The following FSTL4 variants were observed in gnomAD, a reference collection of about 807,000 sequenced individuals.
The protein encoded by FSTL4 is follistatin like 4, also known as follistatin-related protein 4.
A neutral mutation model predicts 78.2 loss-of-function variants in FSTL4; 28 were observed. The ratio of observed to expected loss-of-function variants is 0.36; its 90% CI spans 0.27 to 0.49. The LOEUF (loss-of-function observed/expected upper bound fraction) is 0.49, where lower values mean the gene tolerates loss of function less well. Ranked by LOEUF, FSTL4 falls within the 20% of genes least tolerant of loss-of-function variation. The probability of loss-of-function intolerance (pLI) is 0.98; values close to 1 mark genes in which losing one functional copy is unlikely to be tolerated. For synonymous variants in FSTL4, 422 were observed against 440.5 expected (o/e 0.96, Z 0.53); for missense variants, 922 against 1,084.9 (o/e 0.85, Z 2.11).
At chr5:133,681,088 G>A in the FSTL4 span, among the ~76,000 whole-genome samples, 4 of 152,360 alleles carry the variant, frequency 2.6e-5, no homozygotes, top group East Asian at 3.9e-4. Flanking sequence ...TTGTTCTAAC[G>A]AGTGTGCAGT....
At chr5:133,451,892 G>A (rs1340620644) in intron 3 of FSTL4, among the ~76,000 whole-genome samples, 2 of 152,222 alleles carry the variant, frequency 1.3e-5, no homozygotes, top group Non-Finnish European at 2.9e-5. Context: ...TCGAGATTGC[G>A]CATGAGCTAT....
intron 4 of FSTL4, among the ~76,000 whole-genome samples, chr5:133,395,287 C>T (rs1287421500): frequency 6.6e-6 from 1 of 152,160 alleles, no homozygotes; most frequent in African/African-American, 2.4e-5. Flanking sequence ...ACTTCTGAGG[C>T]CTGCGAGACA....
chr5:133,615,340 A>G (rs1299683327), upstream of FSTL4, among the ~76,000 whole-genome samples: 1 of 152,256 alleles, frequency 6.6e-6, no homozygotes, highest in African/African-American at 2.4e-5. Context: ...TCTTCAAACC[A>G]AACCATGCAG....
chr5:133,775,298 A>T, the FSTL4 span, among the ~76,000 whole-genome samples: 1 of 152,228 alleles, frequency 6.6e-6, no homozygotes, highest in Non-Finnish European at 1.5e-5. Context: ...GTTTTAAAGT[A>T]AGAATTCTGC....
Position 133,349,291 on chromosome 5 carries a change from C to CTG in FSTL4, c.410-32640_410-32639insCA, listed in dbSNP as rs1192644109. On this transcript the variant is annotated intron_variant, in intron 4 of 15. Coordinates refer to ENST00000265342, the MANE Select transcript of FSTL4 (RefSeq NM_015082.2). ...GGGTGCTCCCCTGTTGAAAGCCTCT[C>CTG]TCTCTGTGTGTGTGTGTGTGTGTGT... is the stretch of plus-strand genomic sequence containing the variant. Among the ~76,000 whole-genome samples the CTG allele has an allele frequency of 9.9e-3, 953 of 96,724 alleles. 9 individuals carry two copies. The highest frequency in any genetic ancestry group is 0.036 in the African/African-American group (859 of 24,122). 63.5% of individuals were successfully genotyped at this position (96,724 alleles called of 152,430 possible).
chr5:133,233,383 T>C (rs763964604), intron 8 of FSTL4, 34 bp downstream of exon 8: 4 of 1,612,902 alleles, frequency 2.5e-6, no homozygotes, highest in Non-Finnish European at 3.4e-6. Context: ...GGGGAGGCTA[T>C]GAGGGGACAA....
chr5:133,337,248 A>G (rs1478744515), intron 4 of FSTL4, among the ~76,000 whole-genome samples: 1 of 152,228 alleles, frequency 6.6e-6, no homozygotes, highest in Non-Finnish European at 1.5e-5. Context: ...TCATGATTGC[A>G]TTCTAGGTGG....
chr5:133,444,760 G>A (rs1757226445), intron 3 of FSTL4, among the ~76,000 whole-genome samples: 1 of 152,204 alleles, frequency 6.6e-6, no homozygotes, highest in African/African-American at 2.4e-5. Flanking sequence ...CAGATACGTG[G>A]TGCTTATTAG....
At chr5:133,530,671 G>C (rs1055887979) in intron 3 of FSTL4, among the ~76,000 whole-genome samples, 1 of 152,222 alleles carries the variant, frequency 6.6e-6, no homozygotes, top group Admixed American at 6.5e-5. Flanking sequence ...AAATTGCTGT[G>C]TGGCTGTGCC....
chr5:133,492,781 C>T (rs12110261), intron 3 of FSTL4, among the ~76,000 whole-genome samples: 10,953 of 152,050 alleles, frequency 0.072, 1,290 homozygotes, highest in African/African-American at 0.24. Context: ...ACTTCCTCTA[C>T]GCTTTTCTTA....
chr5:133,555,189 T>C (rs1455206249), intron 3 of FSTL4, among the ~76,000 whole-genome samples: 1 of 152,250 alleles, frequency 6.6e-6, no homozygotes, highest in African/African-American at 2.4e-5. Context: ...TTTGAATATT[T>C]TGAATACCCC....
chr5:133,751,668 G>C, the FSTL4 span, among the ~76,000 whole-genome samples: 3 of 152,208 alleles, frequency 2.0e-5, no homozygotes, highest in African/African-American at 7.2e-5. Context: ...GGGGGAGGGA[G>C]CACGGATAAT....
At chr5:133,670,669 A>G in the FSTL4 span, among the ~76,000 whole-genome samples, 31 of 152,242 alleles carry the variant, frequency 2.0e-4, no homozygotes, top group Non-Finnish European at 4.3e-4. Context: ...GAGACAGATT[A>G]CTTTGCTCTC....
chr5:133,435,736 C>A (rs1757021634), intron 3 of FSTL4, among the ~76,000 whole-genome samples: 1 of 152,134 alleles, frequency 6.6e-6, no homozygotes, highest in African/African-American at 2.4e-5. Flanking sequence ...TCCTTTTATT[C>A]CTAACAGTAA....
Position 133,232,963 on chromosome 5 carries a change from C to T in FSTL4, c.1015+454G>A, listed in dbSNP as rs547792310. ...TCATTGGGCCTCCTGGGGAGGGAGACGGACACAAGCCCTTGTCGGAGGAAA... is the reference window on the plus strand; with the variant it reads ...TCATTGGGCCTCCTGGGGAGGGAGATGGACACAAGCCCTTGTCGGAGGAAA... On this transcript the variant is annotated intron_variant, in intron 8 of 15. Coordinates refer to ENST00000265342, the MANE Select transcript of FSTL4 (RefSeq NM_015082.2). Among the ~76,000 whole-genome samples the T allele has an allele frequency of 1.9e-4, 29 of 152,330 alleles. No individual in the cohort carries two copies. In the East Asian group the frequency reaches 4.4e-3, roughly 23 times the overall value.
intron 2 of FSTL4, among the ~76,000 whole-genome samples, chr5:133,582,885 T>A (rs1255419120): frequency 1.3e-5 from 2 of 152,096 alleles, no homozygotes; most frequent in Non-Finnish European, 2.9e-5. Flanking sequence ...CTCTCCTCAC[T>A]CATGGGCAGC....
chr5:133,796,152 G>A, the FSTL4 span, among the ~76,000 whole-genome samples: 1 of 152,218 alleles, frequency 6.6e-6, no homozygotes, highest in Admixed American at 6.5e-5. Flanking sequence ...TGTGCTACTG[G>A]AATGGGAGAG....
chr5:133,751,086 T>C, the FSTL4 span, among the ~76,000 whole-genome samples: 1 of 151,914 alleles, frequency 6.6e-6, no homozygotes, highest in Non-Finnish European at 1.5e-5. Context: ...CACCTCTGCA[T>C]GAAGCTTCTT....
chr5:133,674,859 A>G, the FSTL4 span, among the ~76,000 whole-genome samples: 1 of 152,208 alleles, frequency 6.6e-6, no homozygotes, highest in Non-Finnish European at 1.5e-5. Context: ...TAGATTTCTC[A>G]TGATAATCAC....
Sources: gnomAD v4.1 joint callset for allele counts (sites outside exome capture counted in the v4.1 genomes callset) on GRCh38, gnomAD v4.1.1 for gene constraint, MANE v1.5 for transcripts, NCBI Gene and HGNC (gene_info 2026-07-23, HGNC 2026-07-21) for gene names.